Variants in EVL observed in about 807,000 individuals in gnomAD.
EVL encodes Enah/Vasp-like.
Under a neutral mutation model 59.6 loss-of-function variants are expected in EVL, and 21 were observed. That is an observed-to-expected ratio of 0.35 (90% CI 0.25 to 0.51). The LOEUF is 0.51. Ranked by LOEUF, EVL falls within the 20% of genes least tolerant of loss-of-function variation. EVL has a pLI of 0.97. For synonymous variants in EVL, 198 were observed against 203.5 expected (o/e 0.97, Z 0.23); for missense variants, 462 against 546.6 (o/e 0.85, Z 1.54).
intron 1 of EVL, among the ~76,000 whole-genome samples, chr14:100,070,321 G>A (rs2062023433): frequency 6.6e-6 from 1 of 152,142 alleles, no homozygotes. Context: ...TCACATTGTT[G>A]TCACTTGACG....
intron 2 of EVL, among the ~76,000 whole-genome samples, chr14:100,097,261 C>G (rs1885878024): frequency 6.6e-6 from 1 of 152,214 alleles, no homozygotes. Flanking sequence ...GTTGTAACTA[C>G]ATAGCATTAT....
At chr14:100,033,590 ATGTT>A (rs2061345559) in intron 1 of EVL, among the ~76,000 whole-genome samples, 1 of 152,176 alleles carries the variant, frequency 6.6e-6, no homozygotes. Context: ...TATTCTAGCA[ATGTT>A]TGTTTTATAT....
chr14:100,133,964 A>C (rs1013040611), intron 8 of EVL, among the ~76,000 whole-genome samples: 2 of 152,062 alleles, frequency 1.3e-5, no homozygotes, highest in East Asian at 1.9e-4. Context: ...ACAACAACAA[A>C]AAAACAGCCT....
At chr14:100,091,138 C>T (rs897438599) in intron 2 of EVL, among the ~76,000 whole-genome samples, 6 of 152,138 alleles carry the variant, frequency 3.9e-5, no homozygotes, top group African/African-American at 9.7e-5. Flanking sequence ...GCGTGCTGCC[C>T]GCCTCAGAAA....
chr14:100,050,295 A>G (rs1347038934), intron 1 of EVL, among the ~76,000 whole-genome samples: 3 of 152,150 alleles, frequency 2.0e-5, no homozygotes, highest in Admixed American at 1.3e-4. Flanking sequence ...AGGTATCTCA[A>G]TGGGGAGCTA....
intron 11 of EVL, chr14:100,139,666 C>G (rs537268641): frequency 6.6e-6 from 1 of 152,444 alleles, no homozygotes; most frequent in Admixed American, 6.5e-5. Flanking sequence ...TCCTTATTCT[C>G]CCTGGCTGTG....
chr14:100,101,248 G>A (rs1886201662), intron 3 of EVL, among the ~76,000 whole-genome samples: 1 of 152,186 alleles, frequency 6.6e-6, no homozygotes. Context: ...ACTTGGGGAG[G>A]CCAAGGCAGG....
At chr14:100,089,671 G>A (rs757769810) in intron 2 of EVL, among the ~76,000 whole-genome samples, 39 of 152,196 alleles carry the variant, frequency 2.6e-4, no homozygotes, top group Admixed American at 1.3e-4. Context: ...CTGTAATCCC[G>A]GCATTTTGGG....
chr14:100,058,789 A>AT (rs1379392496), intron 1 of EVL, among the ~76,000 whole-genome samples: 3 of 152,102 alleles, frequency 2.0e-5, no homozygotes, highest in Non-Finnish European at 4.4e-5. Flanking sequence ...AGCTTGCCAC[A>AT]TTTTTTGCTT....
chr14:100,141,720 A>G lies in EVL; in HGVS notation c.1162-16A>G. The G allele has an allele frequency of 6.2e-7, 1 of 1,612,428 alleles. No homozygotes were observed. The highest frequency in any genetic ancestry group is 8.5e-7 in the Non-Finnish European group (1 of 1,179,318). Reference sequence around the variant, plus strand: ...CCACTGCCTGTCCCTTCACCTGGACACTCCTCTCCCAACAGGAGATCCTAG... The same window carrying G: ...CCACTGCCTGTCCCTTCACCTGGACGCTCCTCTCCCAACAGGAGATCCTAG... On this transcript the variant is annotated splice_polypyrimidine_tract_variant and intron_variant, in intron 12 of 13. Coordinates refer to ENST00000392920, the MANE Select transcript of EVL (RefSeq NM_016337.3).
intron 1 of EVL, among the ~76,000 whole-genome samples, chr14:99,978,466 C>T (rs117354837): frequency 1.3e-5 from 2 of 151,566 alleles, no homozygotes; most frequent in Non-Finnish European, 2.9e-5. Flanking sequence ...GAATGAAGAG[C>T]CATTTTTCTT....
intron 1 of EVL, among the ~76,000 whole-genome samples, chr14:100,057,123 G>A (rs1304452995): frequency 6.6e-6 from 1 of 152,176 alleles, no homozygotes; most frequent in Non-Finnish European, 1.5e-5. Flanking sequence ...TGTTTCAGGA[G>A]GTGAGGACAA....
intron 2 of EVL, among the ~76,000 whole-genome samples, chr14:100,091,218 G>A (rs942306200): frequency 2.6e-5 from 4 of 151,858 alleles, no homozygotes; most frequent in Non-Finnish European, 5.9e-5. Context: ...GGCAGGAATC[G>A]TCCCCTGCTT....
At chr14:100,120,920 C>T (rs1405747243) in intron 3 of EVL, among the ~76,000 whole-genome samples, 1 of 152,180 alleles carries the variant, frequency 6.6e-6, no homozygotes, top group Admixed American at 6.5e-5. Context: ...GCAGCCGACA[C>T]AGCACCAACA....
At chr14:100,125,083 CACACAG>C (rs775349572) in intron 4 of EVL, among the ~76,000 whole-genome samples, 4 of 151,084 alleles carry the variant, frequency 2.6e-5, no homozygotes, top group African/African-American at 7.3e-5. Context: ...GGTGGGACCA[CACACAG>C]ACACAGACAC....
chr14:100,137,694 G>T, intron 10 of EVL, 46 bp from the exon 11 acceptor site: 2 of 1,613,934 alleles, frequency 1.2e-6, no homozygotes, highest in Non-Finnish European at 1.7e-6. Context: ...GGGCAGAGGC[G>T]GGCGCTGGCG....
chr14:100,133,199 C>T (rs1160407699), intron 8 of EVL, among the ~76,000 whole-genome samples: 1 of 152,228 alleles, frequency 6.6e-6, no homozygotes, highest in Non-Finnish European at 1.5e-5. Context: ...AAAGACTCCT[C>T]TTCCAGCAGG....
chr14:100,125,024 CAAGAT>C (rs1887943308), intron 4 of EVL, among the ~76,000 whole-genome samples: 2 of 149,798 alleles, frequency 1.3e-5, no homozygotes, highest in Middle Eastern at 3.4e-3. Context: ...ACACCTGCCC[CAAGAT>C]GAGACCACAT....
At chr14:100,005,018 C>T (rs185145787) in intron 1 of EVL, among the ~76,000 whole-genome samples, 1 of 152,280 alleles carries the variant, frequency 6.6e-6, no homozygotes, top group African/African-American at 2.4e-5. Flanking sequence ...TTATTCTAAT[C>T]ATTTACCTAG....
Sources: gnomAD v4.1 joint callset for allele counts (sites outside exome capture counted in the v4.1 genomes callset) on GRCh38, gnomAD v4.1.1 for gene constraint, MANE v1.5 for transcripts, NCBI Gene and HGNC (gene_info 2026-07-23, HGNC 2026-07-21) for gene names.